The following LGSN variants were observed in gnomAD, a reference collection of about 807,000 sequenced individuals.
The protein encoded by LGSN is lengsin, lens protein with glutamine synthetase domain, also known as lengsin.
Under a neutral mutation model 19.5 loss-of-function variants are expected in LGSN, and 21 were observed. The observed-to-expected ratio is 1.07, with a 90% CI of 0.76 to 1.55. The LOEUF (loss-of-function observed/expected upper bound fraction) is 1.55, where lower values mean the gene tolerates loss of function less well. Among genes scored for constraint, LGSN ranks in the 40% most tolerant of loss-of-function variants. LGSN has a pLI of 0.00. For missense variants in LGSN, 673 were observed against 608.5 expected, an observed-to-expected ratio of 1.11 and a Z score of -1.12; for synonymous variants, 257 against 215.6, an observed-to-expected ratio of 1.19 and a Z score of -1.68.
At chr6:63,341,636 C>A in the LGSN span, among the ~76,000 whole-genome samples, 1 of 152,112 alleles carries the variant, frequency 6.6e-6, no homozygotes. Context: ...GTGATGGAAC[C>A]CCCTATGACA....
chr6:63,526,273 C>A, the LGSN span, among the ~76,000 whole-genome samples: 3 of 151,982 alleles, frequency 2.0e-5, no homozygotes, highest in Non-Finnish European at 4.4e-5. Flanking sequence ...TGCAGTGAAC[C>A]AAGATCTCAC....
the LGSN span, among the ~76,000 whole-genome samples, chr6:63,477,604 G>A: frequency 4.6e-4 from 66 of 142,764 alleles, no homozygotes; most frequent in African/African-American, 1.7e-3. Context: ...AATGTTTTTC[G>A]TCACATAAAT....
chr6:63,281,276 G>A (rs925550472), intron 3 of LGSN, 56 bp from the exon 4 acceptor site: 4 of 1,284,474 alleles, frequency 3.1e-6, no homozygotes, highest in South Asian at 2.6e-5. Context: ...AAAGGGTCGG[G>A]GGGCGGCGGG....
At chr6:63,529,139 ATATATATATGTATATATATGTGTG>A in the LGSN span, among the ~76,000 whole-genome samples, 3 of 126,996 alleles carry the variant, frequency 2.4e-5, no homozygotes, top group African/African-American at 7.2e-5. Context: ...ATGTGTGTGT[ATATATATATGTATATATATGTGTG>A]TATATATATA....
the LGSN span, among the ~76,000 whole-genome samples, chr6:63,509,273 C>T: frequency 1.3e-5 from 2 of 151,900 alleles, no homozygotes; most frequent in Non-Finnish European, 2.9e-5. Flanking sequence ...CCATGTTGGC[C>T]AGGCTGGTCT....
At chr6:63,410,596 T>C in the LGSN span, among the ~76,000 whole-genome samples, 1 of 152,202 alleles carries the variant, frequency 6.6e-6, no homozygotes, top group Non-Finnish European at 1.5e-5. Flanking sequence ...GCATTTATTA[T>C]GTGCTAGGTG....
chr6:63,285,565 G>A (rs1403634536), intron 3 of LGSN, 22 bp downstream of exon 3: 1 of 1,588,052 alleles, frequency 6.3e-7, no homozygotes. Flanking sequence ...ATTACATTTA[G>A]TCACAACTGT....
the LGSN span, among the ~76,000 whole-genome samples, chr6:63,418,511 A>C: frequency 1.3e-5 from 2 of 152,218 alleles, no homozygotes; most frequent in African/African-American, 4.8e-5. Context: ...CAGTGAGCCG[A>C]GATTCCGCCA....
chr6:63,314,038 CT>C (rs1187553739), intron 1 of LGSN, among the ~76,000 whole-genome samples: 2 of 151,964 alleles, frequency 1.3e-5, no homozygotes, highest in African/African-American at 4.8e-5. Flanking sequence ...AAGGAATTAA[CT>C]TTAATACATT....
the LGSN span, among the ~76,000 whole-genome samples, chr6:63,552,132 TG>T: frequency 6.6e-6 from 1 of 152,324 alleles, no homozygotes; most frequent in Admixed American, 6.5e-5. Flanking sequence ...ACTTCCACAA[TG>T]GTTGAACTAG....
the LGSN span, among the ~76,000 whole-genome samples, chr6:63,360,448 G>A: frequency 2.6e-5 from 4 of 152,016 alleles, no homozygotes; most frequent in East Asian, 3.9e-4. Flanking sequence ...CCAGTTGATC[G>A]AATCGGCTAC....
the LGSN span, among the ~76,000 whole-genome samples, chr6:63,341,812 C>T: frequency 3.3e-5 from 5 of 152,070 alleles, no homozygotes; most frequent in Admixed American, 3.3e-4. Flanking sequence ...AGTCTTTGTG[C>T]AAGTTATACA....
At chr6:63,375,302 T>C in the LGSN span, among the ~76,000 whole-genome samples, 1 of 152,030 alleles carries the variant, frequency 6.6e-6, no homozygotes, top group African/African-American at 2.4e-5. Context: ...AATTTGACTT[T>C]CTGTAATTGT....
chr6:63,425,266 G>C, the LGSN span, among the ~76,000 whole-genome samples: 1 of 152,122 alleles, frequency 6.6e-6, no homozygotes, highest in African/African-American at 2.4e-5. Context: ...GTATCCCTAG[G>C]CACTTATCCC....
chr6:63,564,042 A>C, the LGSN span, among the ~76,000 whole-genome samples: 1 of 152,204 alleles, frequency 6.6e-6, no homozygotes, highest in South Asian at 2.1e-4. Context: ...TGGGAGGCCA[A>C]GGCAGGCGGA....
At chr6:63,480,941 A>AGT in the LGSN span, among the ~76,000 whole-genome samples, 69,238 of 101,256 alleles carry the variant, frequency 0.68, 20,009 homozygotes, top group East Asian at 0.71. Flanking sequence ...AAAGAAAATG[A>AGT]TATATATATA....
At chr6:63,330,467 C>T in the LGSN span, among the ~76,000 whole-genome samples, 128 of 152,258 alleles carry the variant, frequency 8.4e-4, no homozygotes, top group African/African-American at 2.2e-3. Flanking sequence ...CTGATATCTG[C>T]GGCTGATTAG....
chr6:63,470,136 A>AAAGG, the LGSN span, among the ~76,000 whole-genome samples: 2 of 151,914 alleles, frequency 1.3e-5, no homozygotes, highest in Non-Finnish European at 2.9e-5. Context: ...AAAAAGAGAG[A>AAAGG]AAGGAAGGAA....
chr6:63,518,589 T>C, the LGSN span, among the ~76,000 whole-genome samples: 6 of 152,134 alleles, frequency 3.9e-5, no homozygotes. Flanking sequence ...AGAAATGTAA[T>C]GCTCAGTGAT....
Sources: gnomAD v4.1 joint callset for allele counts (sites outside exome capture counted in the v4.1 genomes callset) on GRCh38, gnomAD v4.1.1 for gene constraint, MANE v1.5 for transcripts, NCBI Gene and HGNC (gene_info 2026-07-23, HGNC 2026-07-21) for gene names.